Variants in TAX1BP1 observed in about 807,000 individuals in gnomAD.
TAX1BP1 encodes the protein tax1-binding protein 1.
TAX1BP1 carries 62 observed loss-of-function variants against 97.7 expected under a neutral mutation model. The ratio of observed to expected loss-of-function variants is 0.63; its 90% CI spans 0.52 to 0.78. The LOEUF (loss-of-function observed/expected upper bound fraction) is 0.78, where lower values mean the gene tolerates loss of function less well. Among genes scored for constraint, TAX1BP1 ranks in the 30% least tolerant of loss-of-function variants. TAX1BP1 has a pLI of 0.00. For synonymous variants in TAX1BP1, 340 were observed against 304.2 expected (o/e 1.12, Z -1.23); for missense variants, 867 against 916.1 (o/e 0.95, Z 0.69).
intron 15 of TAX1BP1, among the ~76,000 whole-genome samples, chr7:27,821,632 C>G (rs1361041936): frequency 9.4e-6 from 1 of 106,874 alleles, no homozygotes; most frequent in East Asian, 2.4e-4. Flanking sequence ...AAGACTCGGT[C>G]TCAAAAAAAA....
At chr7:27,779,550 G>A (rs1789171748) in intron 5 of TAX1BP1, among the ~76,000 whole-genome samples, 1 of 152,204 alleles carries the variant, frequency 6.6e-6, no homozygotes, top group Non-Finnish European at 1.5e-5. Flanking sequence ...TATGATCAGT[G>A]ATGCATATCT....
At chr7:27,747,916 A>C (rs1191540683) in intron 1 of TAX1BP1, among the ~76,000 whole-genome samples, 1 of 151,790 alleles carries the variant, frequency 6.6e-6, no homozygotes, top group Admixed American at 6.6e-5. Flanking sequence ...ACCAGGGTTG[A>C]GAAATGCTGG....
In TAX1BP1 at chr7:27,793,266, G is replaced by A. The variant is rs980770972; in HGVS notation, c.1410+54G>A. On this transcript the variant is annotated intron_variant, in intron 10 of 16. Transcript: ENST00000396319. ...AAATGTGTTGTTAGTATTTTTGTTC[G>A]AAAATCAAATTTGTAATATTCCAAA... 2.4e-5 allele frequency: 35 copies of A among 1,442,192 alleles called. No homozygotes were observed. The Admixed American group carries it at 2.7e-4, about 11-fold the overall frequency. The allele number at this position is 1,442,192 out of a possible 1,614,324, so 89.3% of individuals were successfully genotyped here.
At chr7:27,744,654 G>A (rs1583660682) in intron 1 of TAX1BP1, among the ~76,000 whole-genome samples, 2 of 152,094 alleles carry the variant, frequency 1.3e-5, no homozygotes, top group East Asian at 1.9e-4. Context: ...ACATTTTTGG[G>A]CTAAAGTAAA....
At chr7:27,781,338 C>T (rs1344207085) in intron 5 of TAX1BP1, among the ~76,000 whole-genome samples, 1 of 152,154 alleles carries the variant, frequency 6.6e-6, no homozygotes, top group Non-Finnish European at 1.5e-5. Flanking sequence ...ATAGAGTGTA[C>T]TTACACAAAC....
At chr7:27,797,455 T>C (rs567990555) in intron 12 of TAX1BP1, among the ~76,000 whole-genome samples, 147 of 152,268 alleles carry the variant, frequency 9.7e-4, no homozygotes, top group African/African-American at 3.4e-3. Context: ...GCAAGTGATT[T>C]TTGTTTGTTT....
rs765186988 is a variant in TAX1BP1 at position 27,787,631 on chromosome 7, A to C, written c.1038+28A>C. 2.8e-5 allele frequency: 44 copies of C among 1,556,178 alleles called. No homozygotes were observed. In the South Asian group the frequency reaches 5.1e-4, roughly 18 times the overall value. On this transcript the variant is annotated intron_variant, in intron 8 of 16. Transcript: ENST00000396319. ...AAGTACTTTTGCTATATATATTTGA[A>C]GATTGTAAAACATACCTATGAAATG...
intron 13 of TAX1BP1, among the ~76,000 whole-genome samples, chr7:27,804,629 C>T (rs1054177595): frequency 6.6e-6 from 1 of 152,204 alleles, no homozygotes; most frequent in African/African-American, 2.4e-5. Flanking sequence ...GTAATTCACA[C>T]ATAAGTACTT....
intron 5 of TAX1BP1, among the ~76,000 whole-genome samples, chr7:27,778,641 G>T (rs1789125626): frequency 6.6e-6 from 1 of 152,010 alleles, no homozygotes; most frequent in South Asian, 2.1e-4. Context: ...GAGGTGGGTG[G>T]ATCACAAGGT....
At chr7:27,773,584 G>C (rs1788924930) in intron 5 of TAX1BP1, among the ~76,000 whole-genome samples, 1 of 151,914 alleles carries the variant, frequency 6.6e-6, no homozygotes. Flanking sequence ...ATTTCACTTA[G>C]CATAATGTTT....
chr7:27,782,789 C>T (rs1789311710), intron 5 of TAX1BP1, among the ~76,000 whole-genome samples: 1 of 152,116 alleles, frequency 6.6e-6, no homozygotes, highest in African/African-American at 2.4e-5. Context: ...AAATTTTACT[C>T]TGTGTATGTG....
intron 13 of TAX1BP1, among the ~76,000 whole-genome samples, chr7:27,812,832 A>G (rs1291230359): frequency 5.3e-5 from 8 of 152,040 alleles, no homozygotes; most frequent in Non-Finnish European, 1.2e-4. Context: ...TATTTTATTG[A>G]TTTTTATCAA....
rs768906672 is a variant in TAX1BP1 at position 27,765,886 on chromosome 7, C to T, written c.318C>T (p.Thr106=). ...AATTTTATCAGTTCTGTTACGTTAC[C>T]CATAAGGGTGAAATTCGTGGAGCAA... The part of the protein sequence containing the change: ...DGEFYQFCYV[T]HKGEIRGAST... Residue 106 remains threonine, a synonymous_variant, in exon 4 of 17, where the codon ACC becomes ACT. Coordinates refer to ENST00000396319, the MANE Select transcript of TAX1BP1 (RefSeq NM_006024.7). 6.2e-7 allele frequency: 1 copy of T among 1,614,016 alleles called. No homozygotes were observed. The highest frequency in any genetic ancestry group is 1.1e-5 in the South Asian group (1 of 91,074).
chr7:27,818,907 A>G (rs1185727093), intron 15 of TAX1BP1, among the ~76,000 whole-genome samples: 1 of 152,322 alleles, frequency 6.6e-6, no homozygotes, highest in South Asian at 2.1e-4. Flanking sequence ...ATTGAATCTC[A>G]TGAGATTGGC....
intron 4 of TAX1BP1, among the ~76,000 whole-genome samples, chr7:27,768,477 A>G (rs181581217): frequency 1.3e-5 from 2 of 152,114 alleles, no homozygotes; most frequent in Admixed American, 1.3e-4. Flanking sequence ...AATTAAATAA[A>G]TCACTGGAAA....
chr7:27,824,572 A>T (rs533801120), intron 15 of TAX1BP1, among the ~76,000 whole-genome samples: 1 of 151,338 alleles, frequency 6.6e-6, no homozygotes, highest in African/African-American at 2.4e-5. Context: ...AAAAAAAAAA[A>T]ATTACTGTTC....
In TAX1BP1 at chr7:27,812,436, C is replaced by G. The variant is rs73297522; in HGVS notation, c.1765-3913C>G. Among the ~76,000 whole-genome samples, 1,138 of 152,016 alleles carry G rather than the reference C, an allele frequency of 7.5e-3. 14 individuals carry two copies. The highest frequency in any genetic ancestry group is 0.026 in the African/African-American group (1,093 of 41,488). Reference sequence around the variant, plus strand: ...GTTATTTTCTTCCAGTCTGTGATTTCTTTTTTCCTTTTTTACAACATTATC... The same window carrying G: ...GTTATTTTCTTCCAGTCTGTGATTTGTTTTTTCCTTTTTTACAACATTATC... On this transcript the variant is annotated intron_variant, in intron 13 of 16. Transcript: ENST00000396319.
chr7:27,828,859 AGC>A lies in TAX1BP1; in HGVS notation c.*31_*32del. ...TTTTTATTATGAGTTAATATAGTTT[AGC>A]AGTAAAAAAAAAAAAAAAAACCACA... On this transcript the variant is annotated 3_prime_UTR_variant, in exon 17 of 17. Transcript: ENST00000396319. The A allele has an allele frequency of 8.6e-7, 1 of 1,165,896 alleles. No homozygotes were observed. The highest frequency in any genetic ancestry group is 1.2e-6 in the Non-Finnish European group (1 of 828,550). The allele number at this position is 1,165,896 out of a possible 1,614,324, so 72.2% of individuals were successfully genotyped here.
chr7:27,745,589 G>T (rs1411349127), intron 1 of TAX1BP1, among the ~76,000 whole-genome samples: 1 of 152,108 alleles, frequency 6.6e-6, no homozygotes, highest in Non-Finnish European at 1.5e-5. Context: ...ATTTTAAAAA[G>T]ATTGGAGTGT....
Sources: gnomAD v4.1 joint callset for allele counts (sites outside exome capture counted in the v4.1 genomes callset) on GRCh38, gnomAD v4.1.1 for gene constraint, MANE v1.5 for transcripts, NCBI Gene and HGNC (gene_info 2026-07-23, HGNC 2026-07-21) for gene names.